ZNF112: variants seen among roughly 807,000 people sequenced by gnomAD.
ZNF112 encodes the protein zinc finger protein 112, also known as zinc finger protein 112 (Y14).
In ZNF112, 37 loss-of-function variants were observed where a neutral mutation model predicts 77.7. The observed-to-expected ratio is 0.48, with a 90% confidence interval of 0.37 to 0.63. ZNF112 has a LOEUF of 0.63. ZNF112 is among the 20% of genes least tolerant of loss of function. ZNF112 has a pLI of 0.00. For missense variants in ZNF112, 950 were observed against 1,077.4 expected, an observed-to-expected ratio of 0.88 and a Z score of 1.66; for synonymous variants, 333 against 363.6, an observed-to-expected ratio of 0.92 and a Z score of 0.96.
At position 44,340,437 on chromosome 19, in the gene ZNF112, A is replaced by T; in HGVS notation, c.103T>A (p.Phe35Ile). 1.2e-6 allele frequency: 2 copies of T among 1,614,024 alleles called. No homozygotes were observed. Among genetic ancestry groups the T allele is most frequent in the Non-Finnish European group, 1.7e-6 (2 of 1,179,944 alleles). The change falls in exon 2 of 4, where the codon TTC becomes ATC. Residue 35 changes from phenylalanine (F) to isoleucine (I), a missense_variant. Coordinates refer to ENST00000354340, the MANE Select transcript of ZNF112 (RefSeq NM_013380.4). ...TCACCTACTAAGAGCAGGTTCCTGA[A>T]GTTCTCCAGCATCACATCTCGGTAC... ...KLYRDVMLEN[F>I]RNLLLVAHQP...
intron 2 of ZNF112, among the ~76,000 whole-genome samples, chr19:44,337,976 T>TTA (rs1351998700): frequency 5.7e-4 from 60 of 104,508 alleles, no homozygotes; most frequent in South Asian, 2.9e-3. Context: ...ATTCCCCAGT[T>TTA]AAAAAAAAAA....
chr19:44,329,585 C>G lies in ZNF112; in HGVS notation c.572G>C (p.Arg191Thr). ...ATTTTTCATGGAAATTTGCTGACAT[C>G]TACACTGATAATTATGTGACTCTTT... ...YLKESHNYQCRCQQISMKNHF... is the reference protein window; with the variant it reads ...YLKESHNYQCTCQQISMKNHF... The change falls in exon 4 of 4, where the codon AGA becomes ACA. Residue 191 changes from arginine (R) to threonine (T), a missense_variant. Physicochemically the swap from Arg to Thr is moderately conservative, Grantham distance 71. This residue lies in a region of ZNF112 where 560 missense variants were observed against 557.3 expected (regional missense o/e 1.00). Transcript: ENST00000354340. 1 of 1,614,136 alleles carries G rather than the reference C, an allele frequency of 6.2e-7. No individual in the cohort carries two copies. Among genetic ancestry groups the G allele is most frequent in the Non-Finnish European group, 8.5e-7 (1 of 1,180,028 alleles).
chr19:44,348,200 T>G (rs955747442), intron 1 of ZNF112, among the ~76,000 whole-genome samples: 1 of 152,142 alleles, frequency 6.6e-6, no homozygotes, highest in South Asian at 2.1e-4. Flanking sequence ...TCGTATTTGG[T>G]ATTCAACGAG....
chr19:44,347,921 G>T (rs1970625764), intron 1 of ZNF112, among the ~76,000 whole-genome samples: 1 of 152,050 alleles, frequency 6.6e-6, no homozygotes, highest in Non-Finnish European at 1.5e-5. Flanking sequence ...TTTTAGCACA[G>T]ATGTGGCATT....
rs200968652 is a variant in ZNF112, at chr19:44,328,547, T to C, written c.1610A>G (p.His537Arg). 2 of 1,604,722 alleles carry C rather than the reference T, an allele frequency of 1.2e-6. No individual in the cohort carries two copies. Among genetic ancestry groups the C allele is most frequent in the East Asian group, 4.5e-5 (2 of 44,326 alleles). Residue 537 changes from histidine (H) to arginine (R), a missense_variant, in exon 4 of 4, where the codon CAT becomes CGT. Coordinates refer to ENST00000354340, the MANE Select transcript of ZNF112 (RefSeq NM_013380.4). ...GFNHRSVLNVHQRVHTGEKPY... is the reference protein window; with the variant it reads ...GFNHRSVLNVRQRVHTGEKPY... The stretch of plus-strand genomic sequence containing the variant: ...TTTCTCTCCTGTGTGGACTCTCTGA[T>C]GAACATTCAGAACTGATCTATGATT...
chr19:44,329,859 G>C lies in ZNF112; in HGVS notation c.298C>G (p.Arg100Gly), dbSNP rs147070415. ...CCTGCACTTTGTTGCCAGGTCTGAC[G>C]GGAGGAAAGCTCTTTGGGGGAAAAG... ...SYFSPKELSSRQTWQQSAGGL... is the reference protein window; with the variant it reads ...SYFSPKELSSGQTWQQSAGGL... The change falls in exon 4 of 4, where the codon CGT (arginine) becomes GGT (glycine). Residue 100 changes from arginine to glycine, a missense_variant. Transcript: ENST00000354340. 2 of 1,613,916 alleles carry C rather than the reference G, an allele frequency of 1.2e-6. No homozygotes were observed. The highest frequency in any genetic ancestry group is 1.7e-5 in the Admixed American group (1 of 59,996).
At chr19:44,340,031 G>A (rs11670884) in intron 2 of ZNF112, among the ~76,000 whole-genome samples, 33 of 152,152 alleles carry the variant, frequency 2.2e-4, no homozygotes, top group South Asian at 1.7e-3. Context: ...GAATCTTGGC[G>A]AATCTATATG....
chr19:44,360,898 T>C (rs1389090927), upstream of ZNF112, among the ~76,000 whole-genome samples: 1 of 152,196 alleles, frequency 6.6e-6, no homozygotes, highest in Non-Finnish European at 1.5e-5. Flanking sequence ...AATACACATA[T>C]AAGAATGTTC....
At chr19:44,359,575 G>A (rs1301927390), upstream of ZNF112, among the ~76,000 whole-genome samples, 6 of 151,954 alleles carry the variant, frequency 3.9e-5, no homozygotes. Context: ...ACCCGCCTCA[G>A]CCTCCCAAAG....
At chr19:44,338,160 C>T (rs1366412062) in intron 2 of ZNF112, among the ~76,000 whole-genome samples, 1 of 152,020 alleles carries the variant, frequency 6.6e-6, no homozygotes, top group South Asian at 2.1e-4. Context: ...TAAAAAATTA[C>T]AGTAATAAAC....
At chr19:44,338,585 T>G (rs1316602278) in intron 2 of ZNF112, among the ~76,000 whole-genome samples, 1 of 152,178 alleles carries the variant, frequency 6.6e-6, no homozygotes, top group Non-Finnish European at 1.5e-5. Context: ...AATCTAATTT[T>G]GTGGAATCAT....
At chr19:44,347,544 A>T (rs1283274043) in intron 1 of ZNF112, among the ~76,000 whole-genome samples, 19 of 42,194 alleles carry the variant, frequency 4.5e-4, no homozygotes, top group Non-Finnish European at 5.9e-4. Flanking sequence ...TTTTGGCTAT[A>T]TGTCCTTTTT....
intron 3 of ZNF112, 49 bp from the exon 4 acceptor site, chr19:44,329,985 A>G (rs1358307378): frequency 7.1e-7 from 1 of 1,411,816 alleles, no homozygotes. Flanking sequence ...TGCTTTATTC[A>G]AGAGATTTGA....
At chr19:44,343,893 T>A (rs2123185471) in intron 1 of ZNF112, among the ~76,000 whole-genome samples, 1 of 152,370 alleles carries the variant, frequency 6.6e-6, no homozygotes. Flanking sequence ...GTAAGACATC[T>A]GGACAGCAGA....
At position 44,327,880 on chromosome 19, in the gene ZNF112, T is replaced by G. The variant is rs1450491836; in HGVS notation, c.2277A>C (p.Glu759Asp). The G allele has an allele frequency of 4.3e-6, 7 of 1,613,942 alleles. No individual in the cohort carries two copies. The highest frequency in any genetic ancestry group is 1.6e-4 in the Middle Eastern group (1 of 6,082). Residue 759 changes from glutamate (E) to aspartate (D), a missense_variant, in exon 4 of 4, where the codon GAA becomes GAC. Physicochemically the swap from Glu to Asp is conservative, Grantham distance 45. Around this residue, in one of 3 missense-constraint regions of ZNF112, gnomAD observed 373 missense variants for 482.8 expected, o/e 0.77. Coordinates refer to ENST00000354340, the MANE Select transcript of ZNF112 (RefSeq NM_013380.4). ...CTCCTGTGTGAACCCTCCGATGTGC[T>G]TCAAGGCGCGAACTCTGACTAAAGC... ...GKGFSQSSRLEAHRRVHTGGK... is the reference protein window; with the variant it reads ...GKGFSQSSRLDAHRRVHTGGK...
chr19:44,335,857 G>A (rs569161715), intron 3 of ZNF112, among the ~76,000 whole-genome samples: 2 of 152,286 alleles, frequency 1.3e-5, no homozygotes, highest in African/African-American at 4.8e-5. Flanking sequence ...ACACAGTTGC[G>A]ACGGTGGCTT....
At chr19:44,350,509 T>A (rs577055087) in intron 1 of ZNF112, among the ~76,000 whole-genome samples, 5 of 152,072 alleles carry the variant, frequency 3.3e-5, no homozygotes, top group Non-Finnish European at 7.4e-5. Context: ...GCAGACTTGA[T>A]AATGCTTCTT....
At chr19:44,345,205 G>A (rs12151072) in intron 1 of ZNF112, among the ~76,000 whole-genome samples, 62,352 of 152,028 alleles carry the variant, frequency 0.41, 14,901 homozygotes, top group South Asian at 0.58. Flanking sequence ...AGTGTGCAGA[G>A]AGGATTGCAA....
intron 1 of ZNF112, among the ~76,000 whole-genome samples, chr19:44,351,835 A>C (rs58221454): frequency 0.071 from 10,779 of 152,142 alleles, 505 homozygotes; most frequent in African/African-American, 0.13. Flanking sequence ...GAAAGAAGGG[A>C]TATCACTACG....
Sources: allele counts gnomAD v4.1 joint callset (sites outside exome capture counted in the v4.1 genomes callset), GRCh38; gene constraint gnomAD v4.1.1; regional missense constraint gnomAD v4.1.1; transcripts MANE v1.5; gene names NCBI Gene and HGNC (gene_info 2026-07-23, HGNC 2026-07-21).